RDH12: variants seen among roughly 807,000 people sequenced by gnomAD.
RDH12 encodes retinol dehydrogenase 12, also known as all-trans and 9-cis retinol dehydrogenase.
A neutral mutation model predicts 34.0 loss-of-function variants in RDH12; 21 were observed. The ratio of observed to expected loss-of-function variants is 0.62; its 90% CI spans 0.44 to 0.89. The LOEUF is 0.89. Ranked by LOEUF, RDH12 falls within the 40% of genes least tolerant of loss-of-function variation. The pLI is 0.00. For synonymous variants in RDH12, 198 were observed against 169.9 expected, an observed-to-expected ratio of 1.17 and a Z score of -1.29; for missense variants, 394 against 398.6, an observed-to-expected ratio of 0.99 and a Z score of 0.10.
chr14:67,706,125 TAAG>T, intron 1 of RDH12: 1 of 152,292 alleles, frequency 6.6e-6, no homozygotes, highest in South Asian at 2.1e-4. Flanking sequence ...CCAGGTTACC[TAAG>T]AAGGAGAGAA....
chr14:67,734,088 A>G lies in RDH12; in HGVS notation c.*240A>G. On this transcript the variant is annotated 3_prime_UTR_variant, in exon 9 of 9. Coordinates refer to ENST00000551171, the MANE Select transcript of RDH12 (RefSeq NM_152443.3). ...TTCTCTAAGACCTGGAAAGTCAGCA[A>G]CCCTCTGGGGGCAGCAGGACTGGGC... 2.5e-6 allele frequency: 1 copy of G among 394,652 alleles called. No individual in the cohort carries two copies. The highest frequency in any genetic ancestry group is 4.9e-6 in the Non-Finnish European group (1 of 204,184). The allele number at this position is 394,652 out of a possible 1,614,324, so 24.4% of individuals were successfully genotyped here. A position where few individuals can be genotyped will look rare whatever the true frequency, so the allele number is the denominator to read the frequency against.
At chr14:67,723,205 G>A (rs1052774909) in intron 3 of RDH12, among the ~76,000 whole-genome samples, 1 of 152,168 alleles carries the variant, frequency 6.6e-6, no homozygotes, top group African/African-American at 2.4e-5. Flanking sequence ...ATTTCTAGAG[G>A]TGTCAAATAA....
At chr14:67,727,290 T>C (rs1033842310) in intron 7 of RDH12, 100 bp downstream of exon 7, 5 of 851,314 alleles carry the variant, frequency 5.9e-6, no homozygotes, top group Non-Finnish European at 9.6e-6. Flanking sequence ...CACGTGTCAG[T>C]AATATCTCTG....
At chr14:67,719,770 G>A (rs1332036462) in intron 1 of RDH12, among the ~76,000 whole-genome samples, 4 of 152,086 alleles carry the variant, frequency 2.6e-5, no homozygotes, top group African/African-American at 4.8e-5. Context: ...AAGCCACAGT[G>A]CCCAACCAAA....
At chr14:67,727,316 G>T in intron 7 of RDH12, 126 bp downstream of exon 7, 3 of 776,678 alleles carry the variant, frequency 3.9e-6, no homozygotes, top group Non-Finnish European at 4.4e-6. Context: ...TAAGGAGAAT[G>T]AAATTATGAA....
In RDH12 at chr14:67,727,113, A is replaced by G; in HGVS notation, c.581A>G (p.Tyr194Cys). The G allele has an allele frequency of 6.8e-6, 11 of 1,614,222 alleles. No homozygotes were observed. The highest frequency in any genetic ancestry group is 8.5e-6 in the Non-Finnish European group (10 of 1,180,042). Residue 194 changes from tyrosine to cysteine, a missense_variant, in exon 7 of 9, where the codon TAC becomes TGC. Transcript: ENST00000551171. ...PFHDLQSEKR[Y>C]SRGFAYCHSK... ...CACGACCTCCAGAGCGAGAAGCGCTACAGCAGGGGTTTTGCCTATTGCCAC... is the reference window on the plus strand; with the variant it reads ...CACGACCTCCAGAGCGAGAAGCGCTGCAGCAGGGGTTTTGCCTATTGCCAC...
chr14:67,726,235 G>T (rs1444927756), intron 6 of RDH12, 80 bp downstream of exon 6: 3 of 888,380 alleles, frequency 3.4e-6, no homozygotes, highest in South Asian at 1.3e-5. Flanking sequence ...TAAATGTGGA[G>T]AATGTCCAGG....
chr14:67,719,759 T>C (rs963930441), intron 1 of RDH12, among the ~76,000 whole-genome samples: 1 of 152,244 alleles, frequency 6.6e-6, no homozygotes, highest in Non-Finnish European at 1.5e-5. Flanking sequence ...ATTACAGATG[T>C]AAGCCACAGT....
rs911108941 is a variant in RDH12 at position 67,729,122 on chromosome 14, T to G, written c.659-69T>G. 22 of 1,489,432 alleles carry G rather than the reference T, an allele frequency of 1.5e-5. No individual in the cohort carries two copies. The African/African-American group carries it at 2.8e-4, about 19-fold the overall frequency. The allele number at this position is 1,489,432 out of a possible 1,614,324, so 92.3% of individuals were successfully genotyped here. ...CCTCCTTCTCACTTGTGTATTTTGC[T>G]GCAGGAGATAAGCTGTTTTCCTGGG... On this transcript the variant is annotated intron_variant, in intron 7 of 8. Transcript: ENST00000551171.
intron 2 of RDH12, 108 bp from the exon 3 acceptor site, chr14:67,722,316 C>G (rs1243602573): frequency 2.3e-6 from 1 of 435,554 alleles, no homozygotes; most frequent in African/African-American, 2.0e-5. Flanking sequence ...AGAAGAGAAA[C>G]AATTGAGGAT....
At position 67,733,671 on chromosome 14, in the gene RDH12, T is replaced by C. The variant is rs1015011601; in HGVS notation, c.849-75T>C. The C allele has an allele frequency of 1.1e-5, 11 of 965,916 alleles. No individual in the cohort carries two copies. The African/African-American group carries it at 1.8e-4, about 16-fold the overall frequency. 59.8% of individuals were successfully genotyped at this position (965,916 alleles called of 1,614,324 possible). ...GTATTTTATTCATTTAGAAACATTC[T>C]GAGAAAGGGACCATAAAGATTTCCA... On this transcript the variant is annotated intron_variant, in intron 8 of 8. Coordinates refer to ENST00000551171, the MANE Select transcript of RDH12 (RefSeq NM_152443.3).
intron 6 of RDH12, among the ~76,000 whole-genome samples, chr14:67,726,420 A>G (rs1000219795): frequency 1.6e-4 from 24 of 152,214 alleles, no homozygotes; most frequent in African/African-American, 5.8e-4. Flanking sequence ...CAGTGGCAGT[A>G]CAAGGCTTGC....
At chr14:67,707,021 TCCATA>T (rs1477770096) in intron 1 of RDH12, among the ~76,000 whole-genome samples, 1 of 152,236 alleles carries the variant, frequency 6.6e-6, no homozygotes, top group Non-Finnish European at 1.5e-5. Context: ...TACTCTGTAG[TCCATA>T]CATCAGTAGG....
At chr14:67,717,623 T>C (rs923198344) in intron 1 of RDH12, among the ~76,000 whole-genome samples, 2 of 152,184 alleles carry the variant, frequency 1.3e-5, no homozygotes, top group African/African-American at 4.8e-5. Flanking sequence ...TGCCCCATAG[T>C]GAACAGCTGG....
At position 67,708,275 on chromosome 14, in the gene RDH12, A is replaced by T. The variant is rs370528859; in HGVS notation, c.-275+6340A>T. Among the ~76,000 whole-genome samples, 46 of 152,364 alleles carry T rather than the reference A, an allele frequency of 3.0e-4. 1 individual carries two copies. The highest frequency in any genetic ancestry group is 1.1e-3 in the African/African-American group (45 of 41,596). ...AGCAAAAAGTTAAAAATATTACTTT[A>T]GTCTTCTATCAGTTTAGTTTATGCA... On this transcript the variant is annotated intron_variant, in intron 1 of 8. Coordinates refer to ENST00000551171, the MANE Select transcript of RDH12 (RefSeq NM_152443.3).
Position 67,722,709 on chromosome 14 carries a change from A to G in RDH12, c.67A>G (p.Arg23Gly). Reference sequence around the variant, plus strand: ...CCTGTATATGGTAGCTCCATCCATCAGGTTTGTCTTAATTCAGCAACTCAA... The same window carrying G: ...CCTGTATATGGTAGCTCCATCCATCGGGTTTGTCTTAATTCAGCAACTCAA... ...SFLYMVAPSIRKFFAGGVCRT... is the reference protein window; with the variant it reads ...SFLYMVAPSIGKFFAGGVCRT... Residue 23 changes from arginine (R) to glycine (G), a missense_variant and splice_region_variant, in exon 3 of 9, where the codon AGG becomes GGG. Physicochemically the swap from Arg to Gly is moderately radical, Grantham distance 125. Transcript: ENST00000551171. 2 of 1,613,214 alleles carry G rather than the reference A, an allele frequency of 1.2e-6. No homozygotes were observed. The highest frequency in any genetic ancestry group is 1.7e-6 in the Non-Finnish European group (2 of 1,179,134).
intron 1 of RDH12, among the ~76,000 whole-genome samples, chr14:67,704,984 G>C (rs1376474340): frequency 2.6e-5 from 4 of 152,198 alleles, no homozygotes; most frequent in Non-Finnish European, 5.9e-5. Flanking sequence ...AGCAGGTCTA[G>C]GTAGTCCAGG....
chr14:67,708,326 G>A (rs28895656), intron 1 of RDH12, among the ~76,000 whole-genome samples: 1,546 of 152,146 alleles, frequency 0.01, 34 homozygotes, highest in African/African-American at 0.036. Context: ...CTTGATATTC[G>A]TGAACACTTC....
In RDH12 at chr14:67,729,503, C is replaced by A. The variant is rs540480560; in HGVS notation, c.848+123C>A. 1.1e-5 allele frequency: 10 copies of A among 923,536 alleles called. No homozygotes were observed. In the African/African-American group the frequency reaches 1.5e-4, roughly 13 times the overall value. The allele number at this position is 923,536 out of a possible 1,614,324, so 57.2% of individuals were successfully genotyped here. A position where few individuals can be genotyped will look rare whatever the true frequency, so the allele number is the denominator to read the frequency against. On this transcript the variant is annotated intron_variant, in intron 8 of 8. Transcript: ENST00000551171. ...TGATGCAATCCAGGTTTGGGTTGGG[C>A]CTGCAAACAGAATGCCGTTGCTTTG...
Sources: gnomAD v4.1 joint callset for allele counts (sites outside exome capture counted in the v4.1 genomes callset) on GRCh38, gnomAD v4.1.1 for gene constraint, MANE v1.5 for transcripts, NCBI Gene and HGNC (gene_info 2026-07-23, HGNC 2026-07-21) for gene names.